The following GALNTL6 variants were observed in gnomAD, a reference collection of about 807,000 sequenced individuals.
GALNTL6 encodes the protein polypeptide N-acetylgalactosaminyltransferase like 6, also known as polypeptide N-acetylgalactosaminyltransferase-like 6.
GALNTL6 carries 46 observed loss-of-function variants against 73.7 expected under a neutral mutation model. That is an observed-to-expected ratio of 0.62 (90% confidence interval 0.49 to 0.80). The LOEUF is 0.80. Among genes scored for constraint, GALNTL6 ranks in the 30% least tolerant of loss-of-function variants. GALNTL6 has a pLI of 0.00. For synonymous variants in GALNTL6, 259 were observed against 263.7 expected, an observed-to-expected ratio of 0.98 and a Z score of 0.17; for missense variants, 604 against 755.0, an observed-to-expected ratio of 0.80 and a Z score of 2.34.
At chr4:172,972,849 G>A (rs1750644498) in intron 10 of GALNTL6, among the ~76,000 whole-genome samples, 1 of 152,154 alleles carries the variant, frequency 6.6e-6, no homozygotes, top group Non-Finnish European at 1.5e-5. Flanking sequence ...TATACAAAAT[G>A]TTGTAAATTT....
At chr4:172,452,321 TA>T (rs1452736697) in intron 5 of GALNTL6, among the ~76,000 whole-genome samples, 26 of 150,944 alleles carry the variant, frequency 1.7e-4, no homozygotes, top group Admixed American at 1.7e-3. Flanking sequence ...TTTATATATA[TA>T]AAAATAAATA....
intron 5 of GALNTL6, among the ~76,000 whole-genome samples, chr4:172,779,759 G>C (rs1460450063): frequency 6.6e-6 from 1 of 152,172 alleles, no homozygotes; most frequent in African/African-American, 2.4e-5. Flanking sequence ...TGTGACAATG[G>C]AGAAAGATTT....
intron 5 of GALNTL6, among the ~76,000 whole-genome samples, chr4:172,430,884 A>T (rs1322501582): frequency 6.6e-6 from 1 of 152,208 alleles, no homozygotes; most frequent in Non-Finnish European, 1.5e-5. Context: ...TTATTAAAAT[A>T]GCCCTTTGTT....
In GALNTL6 at chr4:172,790,961, G is replaced by A. The variant is rs113401960; in HGVS notation, c.554-18400G>A. ...GGTCTTAGGAATAGCAAAGCACACA[G>A]TAGCTATGATCTAGAGATGAAGTGT... On this transcript the variant is annotated intron_variant, in intron 5 of 12. Transcript: ENST00000506823. Among the ~76,000 whole-genome samples the A allele has an allele frequency of 1.3e-4, 20 of 150,702 alleles. No individual in the cohort carries two copies. In the South Asian group the frequency reaches 3.8e-3, roughly 28 times the overall value.
At chr4:172,435,041 G>GCATTTGCTCCTC (rs542209758) in intron 5 of GALNTL6, among the ~76,000 whole-genome samples, 142 of 152,130 alleles carry the variant, frequency 9.3e-4, no homozygotes, top group African/African-American at 2.9e-3. Flanking sequence ...TCAGTAAAAG[G>GCATTTGCTCCTC]AGAATGGCAT....
chr4:172,561,375 C>G (rs984986877), intron 5 of GALNTL6, among the ~76,000 whole-genome samples: 1 of 151,814 alleles, frequency 6.6e-6, no homozygotes, highest in Non-Finnish European at 1.5e-5. Context: ...CTAATCCTTA[C>G]CCCCTGTTCT....
Position 172,224,084 on chromosome 4 carries a change from C to T in GALNTL6, c.139-5572C>T, listed in dbSNP as rs80257652. On this transcript the variant is annotated intron_variant, in intron 2 of 12. Transcript: ENST00000506823. ...TCTCAGTGACTATGTTAAGATTTTT[C>T]AAGGGCAATGGAAATAACTCAACTA... 9.3e-3 allele frequency among the ~76,000 whole-genome samples: 1,411 copies of T among 152,140 alleles called. 18 individuals are homozygous for T. The highest frequency in any genetic ancestry group is 0.031 in the African/African-American group (1,274 of 41,536).
chr4:172,378,120 G>A (rs1421641141), intron 5 of GALNTL6, among the ~76,000 whole-genome samples: 1 of 152,182 alleles, frequency 6.6e-6, no homozygotes, highest in Non-Finnish European at 1.5e-5. Context: ...TACTTTTCCA[G>A]TCACCTTTAA....
At chr4:172,372,581 C>T (rs189924733) in intron 5 of GALNTL6, among the ~76,000 whole-genome samples, 14 of 152,276 alleles carry the variant, frequency 9.2e-5, no homozygotes, top group Admixed American at 7.8e-4. Context: ...GGTTGTCACA[C>T]GAGTCTGAGT....
intron 3 of GALNTL6, among the ~76,000 whole-genome samples, chr4:172,252,512 T>C (rs2111017552): frequency 6.6e-6 from 1 of 152,166 alleles, no homozygotes; most frequent in Non-Finnish European, 1.5e-5. Context: ...TTTTTTTGAA[T>C]TGTGGGCTGT....
intron 2 of GALNTL6, among the ~76,000 whole-genome samples, chr4:172,226,358 G>A (rs1311392743): frequency 6.6e-5 from 10 of 151,894 alleles, no homozygotes; most frequent in South Asian, 2.1e-4. Flanking sequence ...CCAATATTCC[G>A]GTTAGATTAT....
At chr4:172,777,975 T>C (rs1739161135) in intron 5 of GALNTL6, among the ~76,000 whole-genome samples, 1 of 152,244 alleles carries the variant, frequency 6.6e-6, no homozygotes, top group African/African-American at 2.4e-5. Context: ...AGATCATTTA[T>C]TGCTTTCCAT....
At chr4:172,151,833 G>A (rs943017240) in intron 2 of GALNTL6, among the ~76,000 whole-genome samples, 2 of 151,718 alleles carry the variant, frequency 1.3e-5, no homozygotes, top group East Asian at 1.9e-4. Flanking sequence ...GGGGACGGCT[G>A]TGACACTACC....
intron 5 of GALNTL6, among the ~76,000 whole-genome samples, chr4:172,521,182 A>G (rs1734763036): frequency 6.6e-6 from 1 of 152,146 alleles, no homozygotes. Flanking sequence ...TGCACATTCC[A>G]TTAGTCATTC....
intron 5 of GALNTL6, among the ~76,000 whole-genome samples, chr4:172,745,871 A>T (rs1737082387): frequency 6.6e-6 from 1 of 152,058 alleles, no homozygotes; most frequent in Non-Finnish European, 1.5e-5. Context: ...AGGGATTTCA[A>T]TGTTAAGATC....
intron 7 of GALNTL6, among the ~76,000 whole-genome samples, chr4:172,841,778 A>G (rs868637986): frequency 6.6e-6 from 1 of 152,214 alleles, no homozygotes; most frequent in African/African-American, 2.4e-5. Flanking sequence ...TGTGCGGATT[A>G]CATTTCCAGA....
At chr4:172,462,089 TC>T (rs1732641070) in intron 5 of GALNTL6, among the ~76,000 whole-genome samples, 3 of 152,192 alleles carry the variant, frequency 2.0e-5, no homozygotes, top group Admixed American at 2.0e-4. Context: ...TCTAATGCTT[TC>T]AGGCTCAGAG....
At chr4:172,865,606 A>T (rs763303843) in intron 7 of GALNTL6, among the ~76,000 whole-genome samples, 2 of 152,232 alleles carry the variant, frequency 1.3e-5, no homozygotes, top group Non-Finnish European at 2.9e-5. Context: ...TAGCTTTGCA[A>T]ACTTTTAAAA....
chr4:172,653,223 C>CT (rs1740567898), intron 5 of GALNTL6, among the ~76,000 whole-genome samples: 1 of 7,868 alleles, frequency 1.3e-4, no homozygotes. Flanking sequence ...TTCTCTTCTT[C>CT]CTTTTTTTTT....
Sources: allele counts gnomAD v4.1 joint callset (sites outside exome capture counted in the v4.1 genomes callset), GRCh38; gene constraint gnomAD v4.1.1; transcripts MANE v1.5; gene names NCBI Gene and HGNC (gene_info 2026-07-23, HGNC 2026-07-21).